Variants in PTPRG observed in about 807,000 individuals in gnomAD.
PTPRG encodes the protein receptor-type tyrosine-protein phosphatase gamma.
A neutral mutation model predicts 165.3 loss-of-function variants in PTPRG; 102 were observed. The observed-to-expected ratio is 0.62, with a 90% CI of 0.53 to 0.73. PTPRG has a LOEUF of 0.73. Ranked by LOEUF, PTPRG falls within the 30% of genes least tolerant of loss-of-function variation. The pLI is 0.00. For synonymous variants in PTPRG, 675 were observed against 669.5 expected (o/e 1.01, Z -0.13); for missense variants, 1,866 against 1,861.4 (o/e 1.00, Z -0.05).
intron 4 of PTPRG, among the ~76,000 whole-genome samples, chr3:62,066,800 G>A (rs62243341): frequency 2.0e-5 from 3 of 152,306 alleles, no homozygotes; most frequent in African/African-American, 7.2e-5. Context: ...AGCACTTTGG[G>A]AGGCCGAGGT....
chr3:62,255,714 A>G lies in PTPRG; in HGVS notation c.2559+499A>G, dbSNP rs1333502924. 6.6e-6 allele frequency among the ~76,000 whole-genome samples: 1 copy of G among 152,206 alleles called. No homozygotes were observed. Among genetic ancestry groups the G allele is most frequent in the Non-Finnish European group, 1.5e-5 (1 of 68,044 alleles). On this transcript the variant is annotated intron_variant, in intron 16 of 29. Transcript: ENST00000474889. The surrounding 1 kb of genome is among the most constrained non-coding windows in gnomAD (Gnocchi z 4.0). Reference sequence around the variant, plus strand: ...GAAAAATGGCACCAATGTCACCTACATTGTAACGTCGTTGGAAAAATAAAT... The same window carrying G: ...GAAAAATGGCACCAATGTCACCTACGTTGTAACGTCGTTGGAAAAATAAAT...
chr3:62,124,461 C>T (rs1465939617), intron 5 of PTPRG: 26 of 1,613,432 alleles, frequency 1.6e-5, no homozygotes, highest in Non-Finnish European at 1.1e-5. Context: ...ATGCTGGGCA[C>T]CAGCTCCTTG....
At chr3:62,160,728 C>G (rs1338530982) in intron 7 of PTPRG, among the ~76,000 whole-genome samples, 2 of 152,204 alleles carry the variant, frequency 1.3e-5, no homozygotes, top group African/African-American at 4.8e-5. Context: ...GGACTGTTTG[C>G]ATCTTGTAGG....
chr3:61,749,025 C>T (rs201855588), intron 2 of PTPRG, 43 bp downstream of exon 2: 4 of 1,465,786 alleles, frequency 2.7e-6, no homozygotes, highest in Non-Finnish European at 2.9e-6. Flanking sequence ...GGCCAGTTAA[C>T]ATCCCATTCA....
chr3:61,930,699 C>CA (rs2039337753), intron 2 of PTPRG, among the ~76,000 whole-genome samples: 2 of 152,096 alleles, frequency 1.3e-5, no homozygotes. Context: ...TCCAAAATTA[C>CA]AATTATAGTT....
At chr3:62,161,312 C>T (rs867941827) in intron 7 of PTPRG, among the ~76,000 whole-genome samples, 3 of 152,120 alleles carry the variant, frequency 2.0e-5, no homozygotes, top group South Asian at 4.1e-4. Flanking sequence ...AAAATCACAT[C>T]ATTTAAAATG....
intron 2 of PTPRG, among the ~76,000 whole-genome samples, chr3:61,975,298 G>A (rs7649638): frequency 0.53 from 81,046 of 151,928 alleles, 22,054 homozygotes; most frequent in African/African-American, 0.65. Context: ...GAAGTTTATG[G>A]CCTACAGTGA....
intron 1 of PTPRG, among the ~76,000 whole-genome samples, chr3:61,735,657 A>C (rs1375823942): frequency 6.6e-6 from 1 of 152,116 alleles, no homozygotes; most frequent in Non-Finnish European, 1.5e-5. Context: ...GGAAGAGAGC[A>C]GTGTATTTGG....
intron 4 of PTPRG, among the ~76,000 whole-genome samples, chr3:62,015,985 G>T (rs2041535214): frequency 6.6e-6 from 1 of 152,028 alleles, no homozygotes; most frequent in African/African-American, 2.4e-5. Flanking sequence ...TTCAAATCTT[G>T]TGTAATACCT....
rs2037423729 is a variant in PTPRG at position 61,866,749 on chromosome 3, C to A, written c.190+117767C>A. Among the ~76,000 whole-genome samples the A allele has an allele frequency of 2.6e-5, 4 of 151,834 alleles. 1 individual carries two copies. In the South Asian group the frequency reaches 8.3e-4, roughly 31 times the overall value. ...GAGTAGCTGGGACTACAGGCATGTG[C>A]CACCACGCCCAGCTAATTTTTGTAT... On this transcript the variant is annotated intron_variant, in intron 2 of 29. Coordinates refer to ENST00000474889, the MANE Select transcript of PTPRG (RefSeq NM_002841.4).
At chr3:62,152,013 T>C (rs1704354410) in intron 6 of PTPRG, among the ~76,000 whole-genome samples, 1 of 152,148 alleles carries the variant, frequency 6.6e-6, no homozygotes, top group African/African-American at 2.4e-5. Flanking sequence ...ATAGTTAGGA[T>C]TCATATCCAG....
chr3:61,837,424 A>G (rs1047341433), intron 2 of PTPRG, among the ~76,000 whole-genome samples: 4 of 152,180 alleles, frequency 2.6e-5, no homozygotes, highest in Admixed American at 2.0e-4. Context: ...TGTGGGATAC[A>G]GTAAAGTAAC....
intron 2 of PTPRG, among the ~76,000 whole-genome samples, chr3:61,810,496 G>A (rs543345988): frequency 6.6e-5 from 10 of 152,286 alleles, no homozygotes; most frequent in African/African-American, 1.7e-4. Flanking sequence ...ACGACAGTGC[G>A]AAGGGATACC....
rs536621826 is a variant in PTPRG at position 61,989,110 on chromosome 3, A to G, written c.191-515A>G. Among the ~76,000 whole-genome samples, 4 of 152,322 alleles carry G rather than the reference A, an allele frequency of 2.6e-5. No homozygotes were observed. The South Asian group carries it at 8.3e-4, about 32-fold the overall frequency. On this transcript the variant is annotated intron_variant, in intron 2 of 29. Transcript: ENST00000474889. ...CTGAAAAATCTTTCACAATTAGCCA[A>G]AGGAAAAACCTGCCTTTATTGCCTC...
chr3:61,955,305 C>A (rs958838794), intron 2 of PTPRG, among the ~76,000 whole-genome samples: 1 of 151,892 alleles, frequency 6.6e-6, no homozygotes, highest in Non-Finnish European at 1.5e-5. Context: ...TTCTCTTACG[C>A]GAAGTAAATG....
chr3:62,010,370 T>TG (rs112279098), intron 4 of PTPRG, among the ~76,000 whole-genome samples: 2 of 149,464 alleles, frequency 1.3e-5, no homozygotes, highest in Admixed American at 6.7e-5. Context: ...CCCTCTCTTC[T>TG]TGTGTGTGTG....
intron 2 of PTPRG, among the ~76,000 whole-genome samples, chr3:61,839,767 G>T (rs592179): frequency 0.4 from 60,815 of 152,028 alleles, 13,168 homozygotes; most frequent in East Asian, 0.66. Context: ...GAATTGCTTT[G>T]GACATTTTCT....
At chr3:61,789,728 T>C (rs1051587955) in intron 2 of PTPRG, among the ~76,000 whole-genome samples, 2 of 152,244 alleles carry the variant, frequency 1.3e-5, no homozygotes, top group Non-Finnish European at 2.9e-5. Context: ...TCTGAAACCC[T>C]AAGTGTTTGT....
chr3:61,784,023 A>G (rs2034620640), intron 2 of PTPRG, among the ~76,000 whole-genome samples: 1 of 152,196 alleles, frequency 6.6e-6, no homozygotes, highest in African/African-American at 2.4e-5. Context: ...AAGGAAAATT[A>G]TAGAGCAATA....
Sources: gnomAD v4.1 joint callset for allele counts (sites outside exome capture counted in the v4.1 genomes callset) on GRCh38, gnomAD v4.1.1 for gene constraint, Gnocchi (gnomAD v3.1) non-coding constraint, MANE v1.5 for transcripts, NCBI Gene and HGNC (gene_info 2026-07-23, HGNC 2026-07-21) for gene names.